RPL11: variants seen among roughly 807,000 people sequenced by gnomAD.
RPL11 encodes the protein large ribosomal subunit protein uL5.
A neutral mutation model predicts 24.1 loss-of-function variants in RPL11; 3 were observed. That is an observed-to-expected ratio of 0.12 (90% confidence interval 0.06 to 0.32). The LOEUF (loss-of-function observed/expected upper bound fraction) is 0.32. RPL11 is among the 10% of genes least tolerant of loss of function. The probability of loss-of-function intolerance (pLI) is 1.00; values close to 1 mark genes in which losing one functional copy is unlikely to be tolerated. For synonymous variants in RPL11, 96 were observed against 75.7 expected (o/e 1.27, Z -1.39); for missense variants, 146 against 225.7 (o/e 0.65, Z 2.26).
In RPL11 at chr1:23,696,548, T is replaced by C; in HGVS notation, c.*175T>C. On this transcript the variant is annotated 3_prime_UTR_variant, in exon 6 of 6. Coordinates refer to ENST00000643754, the MANE Select transcript of RPL11 (RefSeq NM_000975.5). ...TCATCCTCTGATTGGATGCCAGTATTTCCTGGCAGATCCAAGTCCAAGCTT... is the reference window on the plus strand; with the variant it reads ...TCATCCTCTGATTGGATGCCAGTATCTCCTGGCAGATCCAAGTCCAAGCTT... 1 of 678,890 alleles carries C rather than the reference T, an allele frequency of 1.5e-6. No individual in the cohort carries two copies. Among genetic ancestry groups the C allele is most frequent in the South Asian group, 1.7e-5 (1 of 59,932 alleles). 42.1% of individuals were successfully genotyped at this position (678,890 alleles called of 1,614,324 possible).
In RPL11 at chr1:23,693,901, G is replaced by C. The variant is rs775226212; in HGVS notation, c.252G>C (p.Glu84Asp). 1.2e-6 allele frequency: 2 copies of C among 1,613,946 alleles called. No homozygotes were observed. Among genetic ancestry groups the C allele is most frequent in the South Asian group, 2.2e-5 (2 of 91,074 alleles). The stretch of plus-strand genomic sequence containing the variant: ...GGGCCAAGGCAGAAGAAATCTTGGA[G>C]AAGGGTCTAAAGGTGAGCCTAATCC... ...VRGAKAEEIL[E>D]KGLKVREYEL... The change falls in exon 3 of 6, where the codon GAG becomes GAC. Residue 84 changes from glutamate to aspartate, a missense_variant. By Grantham distance (45) the Glu-to-Asp change is conservative. Transcript: ENST00000643754.
chr1:23,695,654 T>C (rs1306757849), intron 4 of RPL11, 144 bp from the exon 5 acceptor site: 3 of 783,088 alleles, frequency 3.8e-6, no homozygotes, highest in Non-Finnish European at 6.5e-6. Context: ...GTGGCAGCTT[T>C]GTCAGACACA....
In RPL11 at chr1:23,696,341, C is replaced by T. The variant is rs1046934447; in HGVS notation, c.508-3C>T. 1 of 1,613,934 alleles carries T rather than the reference C, an allele frequency of 6.2e-7. No homozygotes were observed. On this transcript the variant is annotated splice_polypyrimidine_tract_variant and splice_region_variant and intron_variant, in intron 5 of 5. Transcript: ENST00000643754. ...TGAAAAAATTAAATCTCTTCTCTTT[C>T]AGTATGATGGGATCATCCTTCCTGG... is the stretch of plus-strand genomic sequence containing the variant.
rs750417002 is a variant in RPL11, at chr1:23,693,931, A to T, written c.264+18A>T. 2 of 1,552,408 alleles carry T rather than the reference A, an allele frequency of 1.3e-6. No homozygotes were observed. Among genetic ancestry groups the T allele is most frequent in the Non-Finnish European group, 1.8e-6 (2 of 1,123,788 alleles). ...GTCTAAAGGTGAGCCTAATCCCCTA[A>T]TGGAGTGATATTGATCAGCACTCCT... On this transcript the variant is annotated intron_variant, in intron 3 of 5. Coordinates refer to ENST00000643754, the MANE Select transcript of RPL11 (RefSeq NM_000975.5).
rs778931846 is a variant in RPL11 at position 23,693,952 on chromosome 1, C to T, written c.264+39C>T. On this transcript the variant is annotated intron_variant, in intron 3 of 5. Transcript: ENST00000643754. ...CCTAATGGAGTGATATTGATCAGCACTCCTTTAGTAACACATGTAGATAAG... is the reference window on the plus strand; with the variant it reads ...CCTAATGGAGTGATATTGATCAGCATTCCTTTAGTAACACATGTAGATAAG... The T allele has an allele frequency of 2.9e-6, 4 of 1,388,386 alleles. No homozygotes were observed. In the South Asian group the frequency reaches 3.5e-5, roughly 12 times the overall value. The allele number at this position is 1,388,386 out of a possible 1,614,324, so 86.0% of individuals were successfully genotyped here.
intron 4 of RPL11, 128 bp downstream of exon 4, chr1:23,694,919 C>A: frequency 7.6e-6 from 11 of 1,447,034 alleles, no homozygotes; most frequent in African/African-American, 1.4e-5. Context: ...GTGTTCTCCT[C>A]CCCCTTGGGG....
Position 23,696,551 on chromosome 1 carries a change from C to T in RPL11, c.*178C>T, listed in dbSNP as rs1375720902. 8.9e-6 allele frequency: 6 copies of T among 673,888 alleles called. No individual in the cohort carries two copies. The East Asian group carries it at 1.1e-4, about 12-fold the overall frequency. 41.7% of individuals were successfully genotyped at this position (673,888 alleles called of 1,614,324 possible). On this transcript the variant is annotated 3_prime_UTR_variant, in exon 6 of 6. Transcript: ENST00000643754. ...TCCTCTGATTGGATGCCAGTATTTCCTGGCAGATCCAAGTCCAAGCTTCAT... is the reference window on the plus strand; with the variant it reads ...TCCTCTGATTGGATGCCAGTATTTCTTGGCAGATCCAAGTCCAAGCTTCAT...
chr1:23,694,407 G>T (rs181879955), intron 3 of RPL11, among the ~76,000 whole-genome samples: 2 of 152,078 alleles, frequency 1.3e-5, no homozygotes, highest in Admixed American at 1.3e-4. Flanking sequence ...GGATGCTTGG[G>T]AGTCATTTCA....
rs1644507739 is a variant in RPL11, at chr1:23,692,592, G to A, written c.7-17G>A. The A allele has an allele frequency of 6.2e-7, 1 of 1,613,898 alleles. No individual in the cohort carries two copies. Among genetic ancestry groups the A allele is most frequent in the African/African-American group, 1.3e-5 (1 of 74,896 alleles). ...CTCAGCTGTGAGTGTATTGACTGCT[G>A]CTCTTCCCTGTTGCAGCAGGATCAA... On this transcript the variant is annotated splice_polypyrimidine_tract_variant and intron_variant, in intron 1 of 5. Transcript: ENST00000643754.
chr1:23,691,908 C>G (rs546331055), intron 1 of RPL11, 79 bp downstream of exon 1: 2 of 1,593,152 alleles, frequency 1.3e-6, no homozygotes, highest in African/African-American at 1.3e-5. Flanking sequence ...GGCTACTTCG[C>G]CCGCAGCCCG....
At position 23,692,627 on chromosome 1, in the gene RPL11, G is replaced by A; in HGVS notation, c.25G>A (p.Glu9Lys). Reference protein sequence around the residue: MAQDQGEKENPMRELRIRK... With the variant: MAQDQGEKKNPMRELRIRK... The stretch of plus-strand genomic sequence containing the variant: ...GTTGCAGCAGGATCAAGGTGAAAAG[G>A]AGAACCCCATGCGGGAACTTCGCAT... The change falls in exon 2 of 6, where the codon GAG (glutamate) becomes AAG (lysine). Residue 9 changes from glutamate (E) to lysine (K), a missense_variant. Coordinates refer to ENST00000643754, the MANE Select transcript of RPL11 (RefSeq NM_000975.5). 6.2e-7 allele frequency: 1 copy of A among 1,614,176 alleles called. No individual in the cohort carries two copies. Among genetic ancestry groups the A allele is most frequent in the Non-Finnish European group, 8.5e-7 (1 of 1,180,026 alleles).
At chr1:23,692,821 T>A (rs766021083) in intron 2 of RPL11, 62 bp downstream of exon 2, 11 of 1,603,876 alleles carry the variant, frequency 6.9e-6, no homozygotes, top group African/African-American at 1.3e-5. Flanking sequence ...TTTCTTGATT[T>A]ACCTGCTGTC....
chr1:23,694,328 ATAT>A (rs1206773717), intron 3 of RPL11, among the ~76,000 whole-genome samples: 1 of 151,696 alleles, frequency 6.6e-6, no homozygotes, highest in African/African-American at 2.4e-5. Flanking sequence ...CAGTGAGCTG[ATAT>A]TGTGCCACTG....
At position 23,692,755 on chromosome 1, in the gene RPL11, C is replaced by T. The variant is rs80133698; in HGVS notation, c.153C>T (p.Ser51=). 319 of 1,613,492 alleles carry T rather than the reference C, an allele frequency of 2.0e-4. 4 individuals carry two copies. The East Asian group carries it at 4.5e-3, about 23-fold the overall frequency. The change falls in exon 2 of 6, where the codon TCC becomes TCT. Residue 51 remains serine, a synonymous_variant. Coordinates refer to ENST00000643754, the MANE Select transcript of RPL11 (RefSeq NM_000975.5). The part of the protein sequence containing the change: ...EQLTGQTPVF[S]KARYTVRSFG... Reference sequence around the variant, plus strand: ...TCACAGGGCAGACCCCTGTGTTTTCCAAAGGTGAGTAGTCACAAGGACATA... The same window carrying T: ...TCACAGGGCAGACCCCTGTGTTTTCTAAAGGTGAGTAGTCACAAGGACATA...
chr1:23,692,126 T>C, intron 1 of RPL11: 1 of 545,438 alleles, frequency 1.8e-6, no homozygotes, highest in Non-Finnish European at 3.3e-6. Flanking sequence ...GGTCCGGGCC[T>C]TTTCCTGGTC....
At chr1:23,692,206 CT>C (rs1644504726) in intron 1 of RPL11, 1 of 443,850 alleles carries the variant, frequency 2.3e-6, no homozygotes, top group South Asian at 2.4e-5. Context: ...AGGTGCCAGC[CT>C]TTAGACAGCT....
At position 23,692,603 on chromosome 1, in the gene RPL11, T is replaced by G. The variant is rs1361739260; in HGVS notation, c.7-6T>G. 6 of 1,613,936 alleles carry G rather than the reference T, an allele frequency of 3.7e-6. No homozygotes were observed. The highest frequency in any genetic ancestry group is 5.1e-6 in the Non-Finnish European group (6 of 1,179,986). On this transcript the variant is annotated splice_region_variant and splice_polypyrimidine_tract_variant and intron_variant, in intron 1 of 5. Coordinates refer to ENST00000643754, the MANE Select transcript of RPL11 (RefSeq NM_000975.5). ...GTGTATTGACTGCTGCTCTTCCCTGTTGCAGCAGGATCAAGGTGAAAAGGA... is the reference window on the plus strand; with the variant it reads ...GTGTATTGACTGCTGCTCTTCCCTGGTGCAGCAGGATCAAGGTGAAAAGGA...
At chr1:23,695,145 G>A in intron 4 of RPL11, 1 of 373,042 alleles carries the variant, frequency 2.7e-6, no homozygotes, top group Non-Finnish European at 5.2e-6. Context: ...GCTGCACTGA[G>A]GCTGTTCTCC....
chr1:23,692,499 T>A, intron 1 of RPL11, 110 bp from the exon 2 acceptor site: 1 of 1,415,320 alleles, frequency 7.1e-7, no homozygotes, highest in South Asian at 1.2e-5. Flanking sequence ...ATTCAGGGTC[T>A]TCGTTACGAT....
Sources: gnomAD v4.1 joint callset for allele counts (sites outside exome capture counted in the v4.1 genomes callset) on GRCh38, gnomAD v4.1.1 for gene constraint, MANE v1.5 for transcripts, NCBI Gene and HGNC (gene_info 2026-07-23, HGNC 2026-07-21) for gene names.